Variants in PDE8B observed in about 807,000 individuals in gnomAD.
PDE8B encodes phosphodiesterase 8B, also known as high affinity cAMP-specific and IBMX-insensitive 3',5'-cyclic phosphodiesterase 8B.
Under a neutral mutation model 101.3 loss-of-function variants are expected in PDE8B, and 26 were observed. The ratio of observed to expected loss-of-function variants is 0.26; its 90% CI spans 0.19 to 0.36. PDE8B has a LOEUF of 0.36. Ranked by LOEUF, PDE8B falls within the 10% of genes least tolerant of loss-of-function variation. PDE8B has a pLI of 1.00. For missense variants in PDE8B, 810 were observed against 1,163.1 expected (o/e 0.70, Z 4.42); for synonymous variants, 424 against 429.3 (o/e 0.99, Z 0.15).
chr5:77,262,983 A>G (rs748130904), intron 1 of PDE8B, among the ~76,000 whole-genome samples: 1 of 152,202 alleles, frequency 6.6e-6, no homozygotes, highest in Non-Finnish European at 1.5e-5. Context: ...TGTAATAGTA[A>G]TTTTTAAAAT....
intron 1 of PDE8B, among the ~76,000 whole-genome samples, chr5:77,263,434 T>C (rs1761037385): frequency 6.6e-6 from 1 of 152,176 alleles, no homozygotes; most frequent in East Asian, 1.9e-4. Flanking sequence ...AAGAGCTTTA[T>C]GTTGAATACC....
At chr5:77,298,510 G>A (rs889481948) in intron 1 of PDE8B, among the ~76,000 whole-genome samples, 2 of 152,228 alleles carry the variant, frequency 1.3e-5, no homozygotes, top group Non-Finnish European at 1.5e-5. Flanking sequence ...GGCGAGGCAA[G>A]TCTTTCTGTT....
chr5:77,196,841 C>T, the PDE8B span, among the ~76,000 whole-genome samples: 1 of 152,084 alleles, frequency 6.6e-6, no homozygotes, highest in Non-Finnish European at 1.5e-5. Context: ...TGTGAGCAGG[C>T]TGTTAAACAC....
At chr5:77,369,182 G>A (rs373755280) in intron 10 of PDE8B, among the ~76,000 whole-genome samples, 4 of 120,162 alleles carry the variant, frequency 3.3e-5, no homozygotes, top group East Asian at 2.5e-4. Context: ...CAGCCTATGC[G>A]ACAGAGCGAG....
chr5:77,146,923 C>T, the PDE8B span: 1 of 448,030 alleles, frequency 2.2e-6, no homozygotes, highest in East Asian at 5.7e-5. Context: ...AGGAGAACAT[C>T]CTGGCCTATC....
intron 10 of PDE8B, among the ~76,000 whole-genome samples, chr5:77,354,208 G>A (rs1167614227): frequency 6.6e-6 from 1 of 152,170 alleles, no homozygotes; most frequent in Non-Finnish European, 1.5e-5. Context: ...GCCCAGCCAG[G>A]CCTGGAGATC....
the PDE8B span, among the ~76,000 whole-genome samples, chr5:77,120,511 T>G: frequency 6.6e-6 from 1 of 152,204 alleles, no homozygotes; most frequent in African/African-American, 2.4e-5. Context: ...TGAAAAGTAC[T>G]TTGAAATGCA....
intron 10 of PDE8B, among the ~76,000 whole-genome samples, chr5:77,374,460 T>C (rs1785675344): frequency 6.6e-6 from 1 of 152,162 alleles, no homozygotes; most frequent in Non-Finnish European, 1.5e-5. Context: ...TTTTAGATTA[T>C]TTGAACGATT....
At chr5:77,337,177 C>A in intron 5 of PDE8B, 50 bp from the exon 6 acceptor site, 1 of 1,014,896 alleles carries the variant, frequency 9.9e-7, no homozygotes, top group South Asian at 1.3e-5. Flanking sequence ...ATTTGACTCT[C>A]TAAGAAGTAA....
intron 10 of PDE8B, among the ~76,000 whole-genome samples, chr5:77,387,497 A>T (rs545302286): frequency 6.6e-6 from 1 of 151,990 alleles, no homozygotes; most frequent in East Asian, 1.9e-4. Flanking sequence ...TGCCCTTAAC[A>T]TTTTTTCCTT....
intron 1 of PDE8B, among the ~76,000 whole-genome samples, chr5:77,240,364 A>G (rs1024892411): frequency 4.6e-5 from 7 of 151,868 alleles, no homozygotes; most frequent in Admixed American, 2.6e-4. Flanking sequence ...CGTGTTAGCC[A>G]GGATGGTCTT....
At chr5:77,384,379 C>T (rs1409733873) in intron 10 of PDE8B, among the ~76,000 whole-genome samples, 1 of 152,136 alleles carries the variant, frequency 6.6e-6, no homozygotes, top group African/African-American at 2.4e-5. Context: ...AGATTTGGGG[C>T]TGAGACGATG....
At chr5:77,379,423 A>T (rs11750528) in intron 10 of PDE8B, among the ~76,000 whole-genome samples, 22,918 of 152,228 alleles carry the variant, frequency 0.15, 2,161 homozygotes, top group Middle Eastern at 0.22. Context: ...ATAACATTTT[A>T]AATTACCATT....
chr5:77,370,946 T>C (rs1474625207), intron 10 of PDE8B, among the ~76,000 whole-genome samples: 2 of 152,218 alleles, frequency 1.3e-5, no homozygotes, highest in African/African-American at 2.4e-5. Flanking sequence ...TGTCATCTTT[T>C]GTAAAGTGTC....
At chr5:77,361,194 C>T (rs1219666881) in intron 10 of PDE8B, among the ~76,000 whole-genome samples, 1 of 152,214 alleles carries the variant, frequency 6.6e-6, no homozygotes, top group Admixed American at 6.5e-5. Context: ...ACTCCACATT[C>T]AGTGACATCA....
rs796951209 is a variant in PDE8B at position 77,266,866 on chromosome 5, GT to G, written c.340-45117del. 3.1e-3 allele frequency among the ~76,000 whole-genome samples: 455 copies of G among 144,884 alleles called. 2 individuals carry two copies. The highest frequency in any genetic ancestry group is 9.5e-3 in the African/African-American group (378 of 39,812). ...ATGGGGCTTATTATTTCTTGAATCTGTTTTTTTTTTTCTGGAGAATTTCATT... is the reference window on the plus strand; with the variant it reads ...ATGGGGCTTATTATTTCTTGAATCTGTTTTTTTTTTCTGGAGAATTTCATT... On this transcript the variant is annotated intron_variant, in intron 1 of 21. Coordinates refer to ENST00000264917, the MANE Select transcript of PDE8B (RefSeq NM_003719.5).
chr5:77,116,183 G>C, the PDE8B span, among the ~76,000 whole-genome samples: 1 of 146,564 alleles, frequency 6.8e-6, no homozygotes, highest in Non-Finnish European at 1.5e-5. Context: ...AGTCTTCAGA[G>C]TCTGAGAAGA....
chr5:77,366,166 CAGT>C, intron 10 of PDE8B, among the ~76,000 whole-genome samples: 1 of 152,036 alleles, frequency 6.6e-6, no homozygotes, highest in South Asian at 2.1e-4. Flanking sequence ...GGGATTTATA[CAGT>C]TTCCTGCTTT....
chr5:77,337,158 A>C (rs1344552180), intron 5 of PDE8B, 69 bp from the exon 6 acceptor site: 1 of 853,838 alleles, frequency 1.2e-6, no homozygotes, highest in East Asian at 2.6e-5. Context: ...ACAACTGTTA[A>C]GTTTCTCTAT....
Sources: gnomAD v4.1 joint callset for allele counts (sites outside exome capture counted in the v4.1 genomes callset) on GRCh38, gnomAD v4.1.1 for gene constraint, MANE v1.5 for transcripts, NCBI Gene and HGNC (gene_info 2026-07-23, HGNC 2026-07-21) for gene names.